DGKI: variants seen among roughly 807,000 people sequenced by gnomAD.
The protein encoded by DGKI is diacylglycerol kinase iota.
DGKI carries 55 observed loss-of-function variants against 147.5 expected under a neutral mutation model. The ratio of observed to expected loss-of-function variants is 0.37; its 90% CI spans 0.30 to 0.47. The LOEUF (loss-of-function observed/expected upper bound fraction) is 0.47. DGKI is among the 20% of genes least tolerant of loss of function. DGKI has a pLI of 1.00. For missense variants in DGKI, 1,007 were observed against 1,323.8 expected, an observed-to-expected ratio of 0.76 and a Z score of 3.71; for synonymous variants, 469 against 477.1, an observed-to-expected ratio of 0.98 and a Z score of 0.22.
intron 1 of DGKI, among the ~76,000 whole-genome samples, chr7:137,768,524 CT>C (rs1486993661): frequency 6.6e-6 from 1 of 152,164 alleles, no homozygotes; most frequent in African/African-American, 2.4e-5. Context: ...AGCACCAATT[CT>C]GAGCAAAAAA....
chr7:137,556,682 A>G (rs1196561753), intron 19 of DGKI, among the ~76,000 whole-genome samples: 1 of 152,186 alleles, frequency 6.6e-6, no homozygotes, highest in Non-Finnish European at 1.5e-5. Context: ...ACTTAAGTAA[A>G]TGGAGAGGCA....
chr7:137,577,996 C>G (rs1486958974), intron 16 of DGKI, among the ~76,000 whole-genome samples: 1 of 152,148 alleles, frequency 6.6e-6, no homozygotes, highest in Admixed American at 6.5e-5. Flanking sequence ...TTCTCACATC[C>G]CTTTTTGAAT....
intron 1 of DGKI, among the ~76,000 whole-genome samples, chr7:137,838,275 T>C (rs1798445879): frequency 6.6e-6 from 1 of 152,122 alleles, no homozygotes; most frequent in South Asian, 2.1e-4. Context: ...AGTGCTGGGA[T>C]TACAGGCTCT....
chr7:137,718,079 C>A (rs1391832957), intron 1 of DGKI, among the ~76,000 whole-genome samples: 1 of 152,086 alleles, frequency 6.6e-6, no homozygotes, highest in Non-Finnish European at 1.5e-5. Flanking sequence ...AATGGTGCTG[C>A]CCACTCACAG....
intron 27 of DGKI, among the ~76,000 whole-genome samples, chr7:137,447,814 T>C (rs968617761): frequency 5.3e-5 from 8 of 152,036 alleles, no homozygotes; most frequent in African/African-American, 1.7e-4. Context: ...GAGTGAACCA[T>C]AAAATAACAA....
chr7:137,772,418 C>T (rs567567644), intron 1 of DGKI, among the ~76,000 whole-genome samples: 7 of 152,204 alleles, frequency 4.6e-5, no homozygotes, highest in African/African-American at 1.4e-4. Flanking sequence ...GTGTCTGACA[C>T]AAGGCACTCA....
intron 28 of DGKI, among the ~76,000 whole-genome samples, chr7:137,426,455 G>A (rs2128908867): frequency 6.6e-6 from 1 of 152,312 alleles, no homozygotes; most frequent in South Asian, 2.1e-4. Flanking sequence ...ATGCCAAATT[G>A]TAAAGACCAT....
intron 6 of DGKI, among the ~76,000 whole-genome samples, chr7:137,641,061 G>A (rs1251907679): frequency 2.6e-5 from 4 of 152,086 alleles, no homozygotes; most frequent in African/African-American, 7.2e-5. Flanking sequence ...TTATGGGGGC[G>A]GGTCTTTCCT....
intron 30 of DGKI, among the ~76,000 whole-genome samples, chr7:137,401,018 CAG>C (rs1270532414): frequency 6.6e-6 from 1 of 152,122 alleles, no homozygotes; most frequent in Non-Finnish European, 1.5e-5. Flanking sequence ...GAAGGAGTTA[CAG>C]AGAGTGGATG....
chr7:137,405,767 T>TG (rs1430227406), intron 30 of DGKI, among the ~76,000 whole-genome samples: 2 of 151,918 alleles, frequency 1.3e-5, no homozygotes, highest in East Asian at 1.9e-4. Context: ...TGAAGGATCT[T>TG]GGGAAAAAAA....
chr7:137,381,845 T>G lies in DGKI; in HGVS notation c.*9375A>C. ...ATATTTTGTCTATGAGAGTTCTAAATCTCCTTCCCCAGGATGGCAAGAATC... is the reference window on the plus strand; with the variant it reads ...ATATTTTGTCTATGAGAGTTCTAAAGCTCCTTCCCCAGGATGGCAAGAATC... On this transcript the variant is annotated 3_prime_UTR_variant, in exon 33 of 33. Transcript: ENST00000614521. 1 of 152,194 alleles carries G rather than the reference T, an allele frequency of 6.6e-6. No homozygotes were observed. Among genetic ancestry groups the G allele is most frequent in the Non-Finnish European group, 1.5e-5 (1 of 67,984 alleles). 9.4% of individuals were successfully genotyped at this position (152,194 alleles called of 1,614,324 possible).
intron 1 of DGKI, among the ~76,000 whole-genome samples, chr7:137,717,416 C>T (rs1794412575): frequency 6.6e-6 from 1 of 151,918 alleles, no homozygotes. Context: ...GAACAGTTCT[C>T]AGGAAAATGA....
At chr7:137,700,642 C>A (rs552042944) in intron 1 of DGKI, among the ~76,000 whole-genome samples, 1 of 152,124 alleles carries the variant, frequency 6.6e-6, no homozygotes, top group South Asian at 2.1e-4. Flanking sequence ...CTTTGGGAGG[C>A]CAAGGCAGGT....
intron 21 of DGKI, among the ~76,000 whole-genome samples, chr7:137,488,215 GGCACTGTT>G (rs1815637720): frequency 6.6e-6 from 1 of 152,056 alleles, no homozygotes; most frequent in African/African-American, 2.4e-5. Flanking sequence ...AGCTACTCAA[GGCACTGTT>G]GCTACCTGGT....
chr7:137,657,125 C>G (rs1822253835), intron 3 of DGKI, among the ~76,000 whole-genome samples: 1 of 152,188 alleles, frequency 6.6e-6, no homozygotes, highest in Admixed American at 6.5e-5. Flanking sequence ...CTTTTACGCC[C>G]AGGAAACAAT....
chr7:137,601,305 CT>C (rs1278231478), intron 10 of DGKI, among the ~76,000 whole-genome samples: 2 of 151,892 alleles, frequency 1.3e-5, no homozygotes, highest in Non-Finnish European at 2.9e-5. Context: ...CAAGAAGGAT[CT>C]TTTTATCAAG....
intron 17 of DGKI, among the ~76,000 whole-genome samples, chr7:137,573,767 T>A (rs560231430): frequency 6.6e-6 from 1 of 152,298 alleles, no homozygotes; most frequent in East Asian, 1.9e-4. Flanking sequence ...GAATCAAGGG[T>A]CTCAGCCTAG....
intron 21 of DGKI, among the ~76,000 whole-genome samples, chr7:137,505,711 CAAAA>C (rs34646057): frequency 3.2e-5 from 2 of 61,696 alleles, no homozygotes; most frequent in African/African-American, 5.0e-5. Context: ...ATAAGAGATG[CAAAA>C]AAAAAAAAAA....
intron 7 of DGKI, among the ~76,000 whole-genome samples, chr7:137,621,936 T>C (rs750656680): frequency 2.0e-5 from 3 of 152,202 alleles, no homozygotes; most frequent in Non-Finnish European, 4.4e-5. Context: ...GGAGCAAAGA[T>C]AGCAGCACTG....
Sources: gnomAD v4.1 joint callset for allele counts (sites outside exome capture counted in the v4.1 genomes callset) on GRCh38, gnomAD v4.1.1 for gene constraint, MANE v1.5 for transcripts, NCBI Gene and HGNC (gene_info 2026-07-23, HGNC 2026-07-21) for gene names.